ECSIT: variants seen among roughly 807,000 people sequenced by gnomAD.
The protein encoded by ECSIT is ECSIT signaling integrator.
A neutral mutation model predicts 36.8 loss-of-function variants in ECSIT; 29 were observed. The observed-to-expected ratio is 0.79, with a 90% CI of 0.59 to 1.08. ECSIT has a LOEUF of 1.08. Among genes scored for constraint, ECSIT ranks in the 50% least tolerant of loss-of-function variants. The pLI is 0.00. For synonymous variants in ECSIT, 231 were observed against 234.8 expected (o/e 0.98, Z 0.15); for missense variants, 542 against 581.0 (o/e 0.93, Z 0.69).
chr19:11,506,265 T>C lies in ECSIT; in HGVS notation c.1215A>G (p.Ala405=), dbSNP rs1265995065. 1 of 1,611,634 alleles carries C rather than the reference T, an allele frequency of 6.2e-7. No individual in the cohort carries two copies. The change falls in exon 8 of 8, where the codon GCA becomes GCG. Residue 405 remains alanine (A), a synonymous_variant. Transcript: ENST00000270517. ...GSTRELQTSS[A]GLEEPPLPED... Reference sequence around the variant, plus strand: ...CGGGCAGGGGCGGCTCCTCCAGCCCTGCAGAGGATGTCTGGAGCTCCCGGG... The same window carrying C: ...CGGGCAGGGGCGGCTCCTCCAGCCCCGCAGAGGATGTCTGGAGCTCCCGGG...
chr19:11,518,623 C>T (rs759385751), intron 2 of ECSIT, among the ~76,000 whole-genome samples: 7 of 149,150 alleles, frequency 4.7e-5, no homozygotes, highest in Non-Finnish European at 7.5e-5. Flanking sequence ...TTTGGCCAGG[C>T]GCGGTGGCTC....
At chr19:11,513,585 G>A (rs1971919270) in intron 3 of ECSIT, among the ~76,000 whole-genome samples, 1 of 124,208 alleles carries the variant, frequency 8.1e-6, no homozygotes, top group South Asian at 3.2e-4. Flanking sequence ...GGAGAAGAGA[G>A]GAGAGTGGGG....
chr19:11,524,031 C>T (rs1291005373), intron 1 of ECSIT, among the ~76,000 whole-genome samples: 2 of 152,030 alleles, frequency 1.3e-5, no homozygotes, highest in Admixed American at 6.6e-5. Flanking sequence ...GCAATCCTCC[C>T]ACCACTGCCT....
chr19:11,527,457 G>A (rs531860018), intron 1 of ECSIT, among the ~76,000 whole-genome samples: 1 of 152,234 alleles, frequency 6.6e-6, no homozygotes, highest in Admixed American at 6.6e-5. Flanking sequence ...AAGGTAGGAG[G>A]ATCACTTGAG....
intron 4 of ECSIT, among the ~76,000 whole-genome samples, chr19:11,508,487 G>T (rs891305039): frequency 2.7e-5 from 4 of 150,852 alleles, no homozygotes; most frequent in Non-Finnish European, 4.4e-5. Flanking sequence ...CTGGGCTCAA[G>T]TGATCTTCCT....
intron 2 of ECSIT, among the ~76,000 whole-genome samples, chr19:11,516,684 TACAC>T (rs142103677): frequency 0.083 from 12,262 of 148,300 alleles, 1,084 homozygotes; most frequent in African/African-American, 0.23. Context: ...TGTGTTTATC[TACAC>T]ACACACACAC....
In ECSIT at chr19:11,513,932, T is replaced by C. The variant is rs1404818152; in HGVS notation, c.386A>G (p.Tyr129Cys). ...EYGVERDLAVYNQLLNIFPKE... is the reference protein window; with the variant it reads ...EYGVERDLAVCNQLLNIFPKE... ...GGGGAAGATGTTGAGCAGCTGGTTG[T>C]ACACAGCCAGGTCCCGCTCGACACC... Residue 129 changes from tyrosine to cysteine, a missense_variant, in exon 3 of 8, where the codon TAC becomes TGC. Coordinates refer to ENST00000270517, the MANE Select transcript of ECSIT (RefSeq NM_016581.5). The C allele has an allele frequency of 6.2e-7, 1 of 1,614,066 alleles. No homozygotes were observed. The highest frequency in any genetic ancestry group is 8.5e-7 in the Non-Finnish European group (1 of 1,180,042).
intron 7 of ECSIT, 70 bp downstream of exon 7, chr19:11,507,387 C>T (rs1971768733): frequency 2.3e-6 from 3 of 1,281,312 alleles, no homozygotes; most frequent in Non-Finnish European, 3.4e-6. Flanking sequence ...GTGATCCTCC[C>T]ACCTCAGCCT....
At chr19:11,526,788 G>A (rs1001884957) in intron 1 of ECSIT, among the ~76,000 whole-genome samples, 6 of 146,922 alleles carry the variant, frequency 4.1e-5, no homozygotes, top group African/African-American at 1.0e-4. Context: ...GGCGCATCTC[G>A]GCTCACTGCA....
intron 1 of ECSIT, among the ~76,000 whole-genome samples, chr19:11,526,612 T>C (rs775320482): frequency 2.6e-5 from 4 of 152,150 alleles, no homozygotes; most frequent in Admixed American, 6.6e-5. Flanking sequence ...AATGCATCTC[T>C]TTCTATCTGA....
At chr19:11,521,767 CTCTG>C in intron 1 of ECSIT, among the ~76,000 whole-genome samples, 1 of 151,978 alleles carries the variant, frequency 6.6e-6, no homozygotes, top group East Asian at 1.9e-4. Context: ...AAGAGGAAGA[CTCTG>C]TCTGAAAAAT....
intron 2 of ECSIT, among the ~76,000 whole-genome samples, chr19:11,517,532 G>C (rs1972021561): frequency 6.6e-6 from 1 of 151,978 alleles, no homozygotes; most frequent in African/African-American, 2.4e-5. Flanking sequence ...GGAGGCAGAG[G>C]TTGCAATGAG....
Position 11,519,973 on chromosome 19 carries a change from A to G in ECSIT, c.-23-780T>C, listed in dbSNP as rs899957533. ...AACAACAGCAAAACTCCATCTCCAG[A>G]AAAAAAAAAAAAGAAGAAAAAAAAA... On this transcript the variant is annotated intron_variant, in intron 1 of 7. Coordinates refer to ENST00000270517, the MANE Select transcript of ECSIT (RefSeq NM_016581.5). This position sits in a 1 kb window ranked among gnomAD's most constrained non-coding sequence, Gnocchi z 4.4. The G allele has an allele frequency of 6.9e-5, 10 of 144,596 alleles. No individual in the cohort carries two copies. Among genetic ancestry groups the G allele is most frequent in the African/African-American group, 2.3e-4 (9 of 39,834 alleles). 9.0% of individuals were successfully genotyped at this position (144,596 alleles called of 1,614,324 possible).
At chr19:11,516,685 A>G (rs1314227020) in intron 2 of ECSIT, among the ~76,000 whole-genome samples, 1 of 95,874 alleles carries the variant, frequency 1.0e-5, no homozygotes, top group South Asian at 3.0e-4. Context: ...GTGTTTATCT[A>G]CACACACACA....
chr19:11,508,082 C>A (rs777474843), intron 4 of ECSIT, 34 bp from the exon 5 acceptor site: 37 of 1,612,082 alleles, frequency 2.3e-5, no homozygotes, highest in Non-Finnish European at 3.1e-5. Context: ...ATCTTGTAAC[C>A]CCCAATCCCC....
intron 1 of ECSIT, among the ~76,000 whole-genome samples, chr19:11,526,175 G>A (rs962397503): frequency 1.3e-5 from 2 of 152,202 alleles, no homozygotes; most frequent in African/African-American, 4.8e-5. Context: ...ATCTTGTCCA[G>A]ACTGGTCTTG....
Position 11,528,383 on chromosome 19 carries a change from C to T in ECSIT, c.-24+679G>A, listed in dbSNP as rs116967517. ...CCTCCCACCTCAGCTTCCCGAGTAG[C>T]TAGGACTACAGGCGTGCACCACTAC... On this transcript the variant is annotated intron_variant, in intron 1 of 7. Transcript: ENST00000270517. Among the ~76,000 whole-genome samples, 15 of 152,292 alleles carry T rather than the reference C, an allele frequency of 9.8e-5. No homozygotes were observed. In the East Asian group the frequency reaches 1.9e-3, roughly 20 times the overall value.
At chr19:11,507,281 CCTT>C (rs1244754313) in intron 7 of ECSIT, among the ~76,000 whole-genome samples, 173 bp downstream of exon 7, 4 of 140,358 alleles carry the variant, frequency 2.8e-5, no homozygotes, top group African/African-American at 1.2e-4. Context: ...CAGGTTTTTG[CCTT>C]TTTTTTTTTT....
At chr19:11,516,684 T>TACACACAC (rs142103677) in intron 2 of ECSIT, among the ~76,000 whole-genome samples, 97 of 148,354 alleles carry the variant, frequency 6.5e-4, no homozygotes, top group Middle Eastern at 3.5e-3. Context: ...TGTGTTTATC[T>TACACACAC]ACACACACAC....
Sources: gnomAD v4.1 joint callset for allele counts (sites outside exome capture counted in the v4.1 genomes callset) on GRCh38, gnomAD v4.1.1 for gene constraint, Gnocchi (gnomAD v3.1) non-coding constraint, MANE v1.5 for transcripts, NCBI Gene and HGNC (gene_info 2026-07-23, HGNC 2026-07-21) for gene names.